Variants in PELI2 observed in about 807,000 individuals in gnomAD.
PELI2 encodes E3 ubiquitin-protein ligase pellino homolog 2.
Under a neutral mutation model 42.3 loss-of-function variants are expected in PELI2, and 23 were observed. The ratio of observed to expected loss-of-function variants is 0.54; its 90% confidence interval spans 0.39 to 0.77. The LOEUF is 0.77. Among genes scored for constraint, PELI2 ranks in the 30% least tolerant of loss-of-function variants. The probability of loss-of-function intolerance (pLI) is 0.00; values close to 1 mark genes in which losing one functional copy is unlikely to be tolerated. For missense variants in PELI2, 463 were observed against 553.2 expected (o/e 0.84, Z 1.64); for synonymous variants, 245 against 212.2 (o/e 1.15, Z -1.34).
chr14:56,143,029 C>T lies in PELI2; in HGVS notation c.77+24292C>T, dbSNP rs142389182. Among the ~76,000 whole-genome samples the T allele has an allele frequency of 2.8e-3, 431 of 152,216 alleles. 1 individual carries two copies. The highest frequency in any genetic ancestry group is 9.8e-3 in the African/African-American group (409 of 41,530). On this transcript the variant is annotated intron_variant, in intron 1 of 5. Transcript: ENST00000267460. ...GAAACTACGGATCTTCTATGAATTT[C>T]ACCAGTTTTTCCCCAATCCTTTTTT...
intron 2 of PELI2, among the ~76,000 whole-genome samples, chr14:56,232,421 T>G (rs371767190): frequency 1.7e-4 from 26 of 152,108 alleles, no homozygotes; most frequent in Admixed American, 3.3e-4. Flanking sequence ...ATGATCAAGT[T>G]GGCTTCATCC....
Position 56,277,594 on chromosome 14 carries a change from T to G in PELI2, c.208-2082T>G, listed in dbSNP as rs566424643. Among the ~76,000 whole-genome samples the G allele has an allele frequency of 1.0e-3, 153 of 152,124 alleles. 3 individuals carry two copies. In the Middle Eastern group the frequency reaches 0.034, roughly 34 times the overall value. Reference sequence around the variant, plus strand: ...TCCCCAAACCATCCCCCTGATCCAGTCCATGGAAAAATTGTCTTCCACAAA... The same window carrying G: ...TCCCCAAACCATCCCCCTGATCCAGGCCATGGAAAAATTGTCTTCCACAAA... On this transcript the variant is annotated intron_variant, in intron 2 of 5. Coordinates refer to ENST00000267460, the MANE Select transcript of PELI2 (RefSeq NM_021255.3).
Position 56,273,123 on chromosome 14 carries a change from A to G in PELI2, c.208-6553A>G, listed in dbSNP as rs1280092848. ...TCAGTCTCTGGTCCACATCTGGGGC[A>G]GCTGGAGCTGGAGGATCCACTCTCA... On this transcript the variant is annotated intron_variant, in intron 2 of 5. Transcript: ENST00000267460. The surrounding 1 kb of genome is among the most constrained non-coding windows in gnomAD (Gnocchi z 4.3). Among the ~76,000 whole-genome samples, 1 of 152,224 alleles carries G rather than the reference A, an allele frequency of 6.6e-6. No individual in the cohort carries two copies. The highest frequency in any genetic ancestry group is 1.9e-4 in the East Asian group (1 of 5,198).
intron 2 of PELI2, among the ~76,000 whole-genome samples, chr14:56,248,421 C>T (rs1361801392): frequency 6.6e-6 from 1 of 151,536 alleles, no homozygotes; most frequent in African/African-American, 2.4e-5. Context: ...TAAAACAGCC[C>T]AGAAAAAGAA....
At chr14:56,290,082 C>G (rs1889777404) in intron 4 of PELI2, among the ~76,000 whole-genome samples, 186 bp from the exon 5 acceptor site, 2 of 152,188 alleles carry the variant, frequency 1.3e-5, no homozygotes. Flanking sequence ...ATCCATTCAG[C>G]ACTTCTTTTA....
At chr14:56,176,447 C>T (rs1476224745) in intron 1 of PELI2, among the ~76,000 whole-genome samples, 1 of 152,068 alleles carries the variant, frequency 6.6e-6, no homozygotes, top group African/African-American at 2.4e-5. Context: ...GTGGGTTGAG[C>T]GGGAGAACCA....
intron 2 of PELI2, among the ~76,000 whole-genome samples, chr14:56,196,587 G>A (rs1886140512): frequency 6.6e-6 from 1 of 152,138 alleles, no homozygotes; most frequent in Non-Finnish European, 1.5e-5. Context: ...CCTCTGCACT[G>A]TGATTGTATT....
chr14:56,139,678 C>G (rs1048174436), intron 1 of PELI2, among the ~76,000 whole-genome samples: 1 of 151,928 alleles, frequency 6.6e-6, no homozygotes, highest in Non-Finnish European at 1.5e-5. Context: ...TTCTGTTTTT[C>G]TATGTTGCAA....
At chr14:56,245,566 A>T (rs942137334) in intron 2 of PELI2, among the ~76,000 whole-genome samples, 19 of 152,108 alleles carry the variant, frequency 1.2e-4, no homozygotes, top group Non-Finnish European at 4.4e-5. Context: ...GAGAGTTGTT[A>T]TTCTGGCCTG....
At chr14:56,236,392 T>C (rs578102887) in intron 2 of PELI2, among the ~76,000 whole-genome samples, 63 of 152,310 alleles carry the variant, frequency 4.1e-4, no homozygotes, top group African/African-American at 1.4e-3. Context: ...AGCTGTGATC[T>C]TAGGATGCTT....
At chr14:56,158,618 G>A (rs1249999781) in intron 1 of PELI2, among the ~76,000 whole-genome samples, 3 of 151,910 alleles carry the variant, frequency 2.0e-5, no homozygotes, top group African/African-American at 7.3e-5. Flanking sequence ...ACCTCCCAAT[G>A]TGCTGGGACT....
intron 2 of PELI2, among the ~76,000 whole-genome samples, chr14:56,191,467 C>T (rs1885945673): frequency 6.6e-6 from 1 of 152,170 alleles, no homozygotes; most frequent in Non-Finnish European, 1.5e-5. Context: ...CACAGTGATA[C>T]CGGGTGGAGT....
intron 1 of PELI2, among the ~76,000 whole-genome samples, chr14:56,155,728 C>T (rs1386704109): frequency 6.7e-6 from 1 of 149,820 alleles, no homozygotes; most frequent in Non-Finnish European, 1.5e-5. Context: ...ACTACAGGCG[C>T]TCGCCACCAC....
intron 2 of PELI2, among the ~76,000 whole-genome samples, chr14:56,236,165 A>G (rs938016918): frequency 2.0e-5 from 3 of 152,340 alleles, no homozygotes; most frequent in African/African-American, 7.2e-5. Context: ...TTCTAAATTG[A>G]CCACTTTTAA....
At chr14:56,294,733 C>T (rs576154545) in intron 5 of PELI2, among the ~76,000 whole-genome samples, 6 of 152,338 alleles carry the variant, frequency 3.9e-5, no homozygotes, top group Admixed American at 1.3e-4. Context: ...CTGTCTCCAA[C>T]GCTGCATCAC....
chr14:56,290,295 G>C lies in PELI2; in HGVS notation c.535G>C (p.Asp179His). The C allele has an allele frequency of 6.3e-7, 1 of 1,599,296 alleles. No homozygotes were observed. Among genetic ancestry groups the C allele is most frequent in the Non-Finnish European group, 8.5e-7 (1 of 1,169,656 alleles). The part of the protein sequence containing the change: ...GEKAAKWKNP[D>H]GHMDGLTTNG... The stretch of plus-strand genomic sequence containing the variant: ...AAAGGCAGCAAAGTGGAAAAACCCC[G>C]ACGGCCACATGGATGGGCTCACTAC... The change falls in exon 5 of 6, where the codon GAC (aspartate) becomes CAC (histidine). Residue 179 changes from aspartate to histidine, a missense_variant. Asp to His is a moderately conservative substitution (Grantham distance 81). This residue lies in a region of PELI2 where 343 missense variants were observed against 378.4 expected (regional missense o/e 0.91). Coordinates refer to ENST00000267460, the MANE Select transcript of PELI2 (RefSeq NM_021255.3).
chr14:56,200,453 G>T (rs944671664), intron 2 of PELI2, among the ~76,000 whole-genome samples: 2 of 152,174 alleles, frequency 1.3e-5, no homozygotes, highest in African/African-American at 2.4e-5. Context: ...ACACGCCTGG[G>T]TCTGTCTAAT....
At chr14:56,140,018 C>T (rs182676547) in intron 1 of PELI2, among the ~76,000 whole-genome samples, 396 of 139,024 alleles carry the variant, frequency 2.8e-3, no homozygotes, top group African/African-American at 9.5e-3. Flanking sequence ...TGGACCTTTC[C>T]TCCTTCCCCC....
intron 1 of PELI2, chr14:56,120,012 G>T (rs1437291300): frequency 1.1e-5 from 2 of 186,154 alleles, no homozygotes; most frequent in East Asian, 1.9e-4. Context: ...TCCAGACACC[G>T]CACAACTCAA....
Sources: allele counts gnomAD v4.1 joint callset (sites outside exome capture counted in the v4.1 genomes callset), GRCh38; gene constraint gnomAD v4.1.1; regional missense constraint gnomAD v4.1.1; non-coding constraint Gnocchi (gnomAD v3.1); transcripts MANE v1.5; gene names NCBI Gene and HGNC (gene_info 2026-07-23, HGNC 2026-07-21).